METTL8: variants seen among roughly 807,000 people sequenced by gnomAD.
The protein encoded by METTL8 is tRNA N(3)-cytidine methyltransferase METTL8, mitochondrial.
In METTL8, 32 loss-of-function variants were observed where a neutral mutation model predicts 48.7. That is an observed-to-expected ratio of 0.66 (90% CI 0.50 to 0.88). METTL8 has a LOEUF of 0.88. Ranked by LOEUF, METTL8 falls within the 40% of genes least tolerant of loss-of-function variation. METTL8 has a pLI of 0.00. For missense variants in METTL8, 464 were observed against 474.4 expected (o/e 0.98, Z 0.20); for synonymous variants, 136 against 157.1 (o/e 0.87, Z 1.01).
chr2:171,360,316 T>A (rs577835632), intron 3 of METTL8, 106 bp downstream of exon 3: 103 of 816,536 alleles, frequency 1.3e-4, no homozygotes, highest in Non-Finnish European at 1.9e-4. Flanking sequence ...ATGGAACAAG[T>A]GGACTGGCAT....
chr2:171,335,231 A>G (rs1685961205), intron 5 of METTL8, among the ~76,000 whole-genome samples: 1 of 152,178 alleles, frequency 6.6e-6, no homozygotes, highest in Non-Finnish European at 1.5e-5. Context: ...ATTAAATGAT[A>G]GTAGGAAACT....
intron 1 of METTL8, among the ~76,000 whole-genome samples, chr2:171,429,530 A>G (rs993008193): frequency 1.3e-5 from 2 of 152,224 alleles, no homozygotes; most frequent in Non-Finnish European, 2.9e-5. Flanking sequence ...ATTTGAATTT[A>G]TTGGTTTTAT....
rs1422566021 is a variant in METTL8 at position 171,320,995 on chromosome 2, C to T, written c.*3177G>A. The T allele has an allele frequency of 6.6e-6, 1 of 152,172 alleles. No individual in the cohort carries two copies. The highest frequency in any genetic ancestry group is 2.4e-5 in the African/African-American group (1 of 41,428). 9.4% of individuals were successfully genotyped at this position (152,172 alleles called of 1,614,324 possible). A position where few individuals can be genotyped will look rare whatever the true frequency, so the allele number is the denominator to read the frequency against. ...GCTGACCCCCTTCCCATCTTTTCTACCTATCCCTCATCATTAATGTCCCAC... is the reference window on the plus strand; with the variant it reads ...GCTGACCCCCTTCCCATCTTTTCTATCTATCCCTCATCATTAATGTCCCAC... On this transcript the variant is annotated 3_prime_UTR_variant, in exon 10 of 10. Coordinates refer to ENST00000375258, the MANE Select transcript of METTL8 (RefSeq NM_001321154.2).
At chr2:171,431,532 A>G (rs1693018284) in intron 1 of METTL8, among the ~76,000 whole-genome samples, 1 of 152,236 alleles carries the variant, frequency 6.6e-6, no homozygotes, top group Non-Finnish European at 1.5e-5. Flanking sequence ...ATCCTGCATC[A>G]AGAGCTGTTT....
chr2:171,325,877 G>A lies in METTL8; in HGVS notation c.997C>T (p.Arg333Ter), dbSNP rs771915673. Reference sequence around the variant, plus strand: ...AAATATGCTCTGGTACCATCTCCTCGAACATAAAAATTTTCAGATAAACAA... The same window carrying A: ...AAATATGCTCTGGTACCATCTCCTCAAACATAAAAATTTTCAGATAAACAA... ...GHCLSENFYV[R>*]GDGTRAYFFT... Residue 333 changes from arginine to a stop codon, truncating the protein, a stop_gained, in exon 9 of 10, where the codon CGA (arginine) becomes TGA (stop). Transcript: ENST00000375258. LOFTEE classifies it high-confidence loss of function. 3.4e-5 allele frequency: 55 copies of A among 1,599,804 alleles called. No individual in the cohort carries two copies. In the Middle Eastern group the frequency reaches 1.1e-3, roughly 31 times the overall value.
At chr2:171,376,915 T>C (rs1687030475) in intron 2 of METTL8, among the ~76,000 whole-genome samples, 1 of 152,154 alleles carries the variant, frequency 6.6e-6, no homozygotes, top group Non-Finnish European at 1.5e-5. Flanking sequence ...AGAATAAATC[T>C]GGAGGTGTCA....
At chr2:171,353,105 T>A (rs1022863976) in intron 3 of METTL8, among the ~76,000 whole-genome samples, 2 of 152,238 alleles carry the variant, frequency 1.3e-5, no homozygotes, top group African/African-American at 4.8e-5. Flanking sequence ...TGTGGGCCTT[T>A]AGTGCTATAA....
At position 171,364,086 on chromosome 2, in the gene METTL8, T is replaced by C. The variant is rs533253417; in HGVS notation, c.144-3573A>G. On this transcript the variant is annotated intron_variant, in intron 2 of 9. Coordinates refer to ENST00000375258, the MANE Select transcript of METTL8 (RefSeq NM_001321154.2). ...CCTCAGCCTCCCAAAGTGCTAGGAT[T>C]ACAAGCGCGAGCCACTGCGCGCCCG... is the stretch of plus-strand genomic sequence containing the variant. 1.7e-4 allele frequency among the ~76,000 whole-genome samples: 26 copies of C among 152,084 alleles called. No homozygotes were observed. In the East Asian group the frequency reaches 4.4e-3, roughly 26 times the overall value.
intron 5 of METTL8, among the ~76,000 whole-genome samples, chr2:171,336,255 C>A (rs1436483204): frequency 6.6e-6 from 1 of 151,730 alleles, no homozygotes; most frequent in African/African-American, 2.4e-5. Context: ...GCCACCACAC[C>A]CAGCTAATTT....
At chr2:171,334,002 T>C (rs1685819699) in intron 5 of METTL8, among the ~76,000 whole-genome samples, 1 of 152,166 alleles carries the variant, frequency 6.6e-6, no homozygotes, top group Non-Finnish European at 1.5e-5. Context: ...TTGCTATTAT[T>C]ATCATCACTA....
intron 2 of METTL8, among the ~76,000 whole-genome samples, chr2:171,389,333 A>G (rs1249027953): frequency 6.6e-6 from 1 of 152,040 alleles, no homozygotes; most frequent in Non-Finnish European, 1.5e-5. Flanking sequence ...CAGCCTGGGC[A>G]ACATGGTGAA....
chr2:171,336,937 G>A (rs114794919), intron 5 of METTL8, among the ~76,000 whole-genome samples: 20 of 143,080 alleles, frequency 1.4e-4, no homozygotes, highest in Non-Finnish European at 2.6e-4. Flanking sequence ...TGGCGCAGTC[G>A]GGTCACTGCA....
chr2:171,337,326 T>C (rs1208061504), intron 5 of METTL8, 127 bp downstream of exon 5: 1 of 604,332 alleles, frequency 1.7e-6, no homozygotes, highest in Non-Finnish European at 2.8e-6. Context: ...TTTTGAAATT[T>C]GCTTGAGCCA....
At chr2:171,409,269 T>C (rs1690499717) in intron 1 of METTL8, among the ~76,000 whole-genome samples, 1 of 152,156 alleles carries the variant, frequency 6.6e-6, no homozygotes, top group Non-Finnish European at 1.5e-5. Flanking sequence ...GTCACAAAGT[T>C]CTTACAAAGA....
At chr2:171,431,385 CT>C in intron 1 of METTL8, among the ~76,000 whole-genome samples, 1 of 152,348 alleles carries the variant, frequency 6.6e-6, no homozygotes, top group South Asian at 2.1e-4. Context: ...CAGCAACCTG[CT>C]TTCAGGACCC....
At chr2:171,385,475 T>C (rs528756775) in intron 2 of METTL8, among the ~76,000 whole-genome samples, 1 of 152,326 alleles carries the variant, frequency 6.6e-6, no homozygotes, top group African/African-American at 2.4e-5. Context: ...TTTCGTTTAA[T>C]TTACACATCT....
intron 2 of METTL8, among the ~76,000 whole-genome samples, chr2:171,385,659 G>A (rs1355859486): frequency 2.0e-5 from 3 of 152,210 alleles, no homozygotes; most frequent in African/African-American, 7.2e-5. Flanking sequence ...TGGGGGGTAT[G>A]CTATGAAGAT....
At chr2:171,429,607 T>C (rs1692775219) in intron 1 of METTL8, among the ~76,000 whole-genome samples, 1 of 152,216 alleles carries the variant, frequency 6.6e-6, no homozygotes, top group East Asian at 1.9e-4. Flanking sequence ...AACACACACA[T>C]AAAAAAATTA....
At position 171,339,515 on chromosome 2, in the gene METTL8, A is replaced by C; in HGVS notation, c.275T>G (p.Phe92Cys). Residue 92 changes from phenylalanine to cysteine, a missense_variant, in exon 4 of 10, where the codon TTT (phenylalanine) becomes TGT (cysteine). Physicochemically the swap from Phe to Cys is radical, Grantham distance 205 (BLOSUM62 -2). Transcript: ENST00000375258. ...AAACTTATTCTTATGAATCTTGTAA[A>C]ATGTGTCCCAGTATTTACTAGCTTC... ...EREASKYWDT[F>C]YKIHKNKFFK... The C allele has an allele frequency of 6.2e-7, 1 of 1,601,350 alleles. No individual in the cohort carries two copies.
Sources: allele counts gnomAD v4.1 joint callset (sites outside exome capture counted in the v4.1 genomes callset), GRCh38; gene constraint gnomAD v4.1.1; transcripts MANE v1.5; gene names NCBI Gene and HGNC (gene_info 2026-07-23, HGNC 2026-07-21).